The following IWS1 variants were observed in gnomAD, a reference collection of about 807,000 sequenced individuals.
IWS1 encodes the protein interacts with SUPT6H, CTD assembly factor 1, also known as protein IWS1 homolog.
In IWS1, 27 loss-of-function variants were observed where a neutral mutation model predicts 86.7. That is an observed-to-expected ratio of 0.31 (90% CI 0.23 to 0.43). The LOEUF (loss-of-function observed/expected upper bound fraction) is 0.43, where lower values mean the gene tolerates loss of function less well. Among genes scored for constraint, IWS1 ranks in the 20% least tolerant of loss-of-function variants. The pLI, the probability that IWS1 is intolerant of heterozygous loss-of-function variation, is 1.00. For synonymous variants in IWS1, 313 were observed against 335.1 expected (o/e 0.93, Z 0.72); for missense variants, 827 against 1,000.8 (o/e 0.83, Z 2.34).
chr2:127,484,972 G>A (rs978232291), intron 13 of IWS1, among the ~76,000 whole-genome samples: 5 of 151,328 alleles, frequency 3.3e-5, no homozygotes, highest in East Asian at 1.9e-4. Flanking sequence ...ACTCCAACCT[G>A]GGCGACAGAG....
chr2:127,489,549 C>T lies in IWS1; in HGVS notation c.2159+283G>A, dbSNP rs1357693306. The T allele has an allele frequency of 8.0e-6, 4 of 501,662 alleles. No individual in the cohort carries two copies. The highest frequency in any genetic ancestry group is 5.9e-5 in the African/African-American group (3 of 50,958). The allele number at this position is 501,662 out of a possible 1,614,324, so 31.1% of individuals were successfully genotyped here. A position where few individuals can be genotyped will look rare whatever the true frequency, so the allele number is the denominator to read the frequency against. On this transcript the variant is annotated intron_variant, in intron 11 of 13. Coordinates refer to ENST00000295321, the MANE Select transcript of IWS1 (RefSeq NM_017969.3). This position sits in a 1 kb window ranked among gnomAD's most constrained non-coding sequence, Gnocchi z 4.8. ...TCTTCTAGGAACTCGGAAACGGGAC[C>T]CAGAAAGTTGTTTTCTCAAGTGGAT...
Position 127,499,749 on chromosome 2 carries a change from G to GA in IWS1, c.1468-1513_1468-1512insT, listed in dbSNP as rs112544803. 0.044 allele frequency among the ~76,000 whole-genome samples: 6,523 copies of GA among 147,174 alleles called. 482 individuals carry two copies. The highest frequency in any genetic ancestry group is 0.15 in the African/African-American group (6,152 of 40,444). ...ATTGCATTGGTTAAAAATAAGTATTGTTTTTTTTTTGACCCAAGAACTATT... is the reference window on the plus strand; with the variant it reads ...ATTGCATTGGTTAAAAATAAGTATTGATTTTTTTTTTGACCCAAGAACTATT... On this transcript the variant is annotated intron_variant, in intron 5 of 13. Coordinates refer to ENST00000295321, the MANE Select transcript of IWS1 (RefSeq NM_017969.3). This position sits in a 1 kb window ranked among gnomAD's most constrained non-coding sequence, Gnocchi z 4.0.
At chr2:127,495,774 C>T (rs1043528300) in intron 7 of IWS1, among the ~76,000 whole-genome samples, 2 of 152,214 alleles carry the variant, frequency 1.3e-5, no homozygotes, top group African/African-American at 4.8e-5. Flanking sequence ...CAAAGCCATT[C>T]ACCTAAAACG....
At position 127,503,396 on chromosome 2, in the gene IWS1, T is replaced by C; in HGVS notation, c.1400A>G (p.Asn467Ser). Residue 467 changes from asparagine to serine, a missense_variant, in exon 4 of 14, where the codon AAT (asparagine) becomes AGT (serine). By Grantham distance (46) the Asn-to-Ser change is conservative. This residue lies in a region of IWS1 where 279 missense variants were observed against 440.6 expected (regional missense o/e 0.63). Transcript: ENST00000295321. Reference sequence around the variant, plus strand: ...TTATACTGTCACTTACTCTTCTTCATTGCCTGACTCACTGTCACTCCCAAA... The same window carrying C: ...TTATACTGTCACTTACTCTTCTTCACTGCCTGACTCACTGTCACTCCCAAA... The part of the protein sequence containing the change: ...DLFGSDSESG[N>S]EEENLIADIF... The C allele has an allele frequency of 3.1e-6, 5 of 1,611,384 alleles. No individual in the cohort carries two copies. Among genetic ancestry groups the C allele is most frequent in the Non-Finnish European group, 4.2e-6 (5 of 1,178,742 alleles).
At position 127,502,912 on chromosome 2, in the gene IWS1, T is replaced by C. The variant is rs903401658; in HGVS notation, c.1410-40A>G. 4 of 1,169,010 alleles carry C rather than the reference T, an allele frequency of 3.4e-6. No individual in the cohort carries two copies. The African/African-American group carries it at 6.1e-5, about 18-fold the overall frequency. The allele number at this position is 1,169,010 out of a possible 1,614,324, so 72.4% of individuals were successfully genotyped here. A position where few individuals can be genotyped will look rare whatever the true frequency, so the allele number is the denominator to read the frequency against. ...AATGTAAAAACATTCATTTGCTTTA[T>C]CCTCATTTGCATAGGAACCATTTTT... On this transcript the variant is annotated intron_variant, in intron 4 of 13. Coordinates refer to ENST00000295321, the MANE Select transcript of IWS1 (RefSeq NM_017969.3).
Position 127,526,231 on chromosome 2 carries a change from A to T in IWS1, c.-23T>A. The T allele has an allele frequency of 6.4e-7, 1 of 1,555,700 alleles. No individual in the cohort carries two copies. The highest frequency in any genetic ancestry group is 1.2e-5 in the South Asian group (1 of 84,406). Reference sequence around the variant, plus strand: ...CATGGCAGGCGGACTCTCAGCGGGGAGTGTCCGCGCCCCGCGCCGCCCCCG... The same window carrying T: ...CATGGCAGGCGGACTCTCAGCGGGGTGTGTCCGCGCCCCGCGCCGCCCCCG... On this transcript the variant is annotated 5_prime_UTR_variant, in exon 1 of 14. Coordinates refer to ENST00000295321, the MANE Select transcript of IWS1 (RefSeq NM_017969.3).
intron 2 of IWS1, among the ~76,000 whole-genome samples, chr2:127,516,768 A>G (rs1691798524): frequency 6.6e-6 from 1 of 152,166 alleles, no homozygotes; most frequent in African/African-American, 2.4e-5. Flanking sequence ...ACTGCACTCC[A>G]ACCTAGGCAA....
At position 127,505,499 on chromosome 2, in the gene IWS1, T is replaced by A. The variant is rs1202797368; in HGVS notation, c.404A>T (p.Asn135Ile). The change falls in exon 3 of 14, where the codon AAT becomes ATT. Residue 135 changes from asparagine to isoleucine, a missense_variant. This residue lies in a region of IWS1 where 548 missense variants were observed against 560.2 expected (regional missense o/e 0.98). Coordinates refer to ENST00000295321, the MANE Select transcript of IWS1 (RefSeq NM_017969.3). The surrounding 1 kb of genome is among the most constrained non-coding windows in gnomAD (Gnocchi z 5.0). ...TGCATGCCCATTAAGAAGTTCCTCA[T>A]TTTCAGAGTCACTACCAGGTAATTT... ...TRKLPGSDSE[N>I]EELLNGHASD... 2 of 1,614,022 alleles carry A rather than the reference T, an allele frequency of 1.2e-6. No individual in the cohort carries two copies. Among genetic ancestry groups the A allele is most frequent in the Non-Finnish European group, 1.7e-6 (2 of 1,180,044 alleles).
chr2:127,493,959 G>A (rs1177621351), intron 8 of IWS1, among the ~76,000 whole-genome samples: 3 of 152,072 alleles, frequency 2.0e-5, no homozygotes, highest in Non-Finnish European at 1.5e-5. Context: ...AGTTTCCCCT[G>A]TTAGAATAGA....
At chr2:127,509,707 CA>C (rs34526019) in intron 2 of IWS1, among the ~76,000 whole-genome samples, 713 of 55,436 alleles carry the variant, frequency 0.013, 1 homozygote, top group African/African-American at 0.031. Context: ...CACTCCATCT[CA>C]AAAAAAAAAA....
chr2:127,502,731 A>T, intron 5 of IWS1, 84 bp downstream of exon 5: 1 of 666,712 alleles, frequency 1.5e-6, no homozygotes, highest in South Asian at 1.8e-5. Flanking sequence ...CCTACTTATT[A>T]GAATCATCTA....
At chr2:127,490,294 G>A (rs958945190) in intron 10 of IWS1, among the ~76,000 whole-genome samples, 1 of 151,666 alleles carries the variant, frequency 6.6e-6, no homozygotes, top group Non-Finnish European at 1.5e-5. Flanking sequence ...CTAAGTTTAC[G>A]CTACTGGAAA....
rs548301334 is a variant in IWS1 at position 127,505,840 on chromosome 2, T to C, written c.151-88A>G. 1 of 908,972 alleles carries C rather than the reference T, an allele frequency of 1.1e-6. No homozygotes were observed. Among genetic ancestry groups the C allele is most frequent in the African/African-American group, 1.7e-5 (1 of 59,572 alleles). The allele number at this position is 908,972 out of a possible 1,614,324, so 56.3% of individuals were successfully genotyped here. A position where few individuals can be genotyped will look rare whatever the true frequency, so the allele number is the denominator to read the frequency against. On this transcript the variant is annotated intron_variant, in intron 2 of 13. Coordinates refer to ENST00000295321, the MANE Select transcript of IWS1 (RefSeq NM_017969.3). The surrounding 1 kb of genome is among the most constrained non-coding windows in gnomAD (Gnocchi z 5.0). ...ACATTAAATTTTTTCTGTGATTTTT[T>C]TAAAATACAGGATTATGTGCACCTA... is the stretch of plus-strand genomic sequence containing the variant.
intron 6 of IWS1, among the ~76,000 whole-genome samples, chr2:127,496,357 G>A (rs577065105): frequency 1.2e-4 from 18 of 152,172 alleles, no homozygotes; most frequent in African/African-American, 4.3e-4. Context: ...GTAAGCTAAG[G>A]TTAACTTTTT....
chr2:127,522,611 A>G (rs1233324841), intron 2 of IWS1, among the ~76,000 whole-genome samples: 1 of 152,260 alleles, frequency 6.6e-6, no homozygotes, highest in Non-Finnish European at 1.5e-5. Context: ...CAGAGTCAAT[A>G]TAATCTCTAA....
Position 127,480,823 on chromosome 2 carries a change from A to G in IWS1, c.*221T>C, listed in dbSNP as rs1689587732. On this transcript the variant is annotated 3_prime_UTR_variant, in exon 14 of 14. Coordinates refer to ENST00000295321, the MANE Select transcript of IWS1 (RefSeq NM_017969.3). ...GACAGCCCCCCAAAAACCAGAATGA[A>G]ATTTTATTGTGTAAAGTTTATAGAA... 2.4e-6 allele frequency: 1 copy of G among 409,862 alleles called. No homozygotes were observed. Among genetic ancestry groups the G allele is most frequent in the Non-Finnish European group, 4.2e-6 (1 of 237,568 alleles). 25.4% of individuals were successfully genotyped at this position (409,862 alleles called of 1,614,324 possible). A position where few individuals can be genotyped will look rare whatever the true frequency, so the allele number is the denominator to read the frequency against.
chr2:127,526,606 T>C (rs1411223759), upstream of IWS1: 1 of 1,357,358 alleles, frequency 7.4e-7, no homozygotes, highest in African/African-American at 1.5e-5. Context: ...CTGGGAAAAT[T>C]GAGCTGGAAC....
intron 8 of IWS1, among the ~76,000 whole-genome samples, chr2:127,494,107 A>T (rs1026286198): frequency 6.6e-6 from 1 of 152,090 alleles, no homozygotes; most frequent in African/African-American, 2.4e-5. Flanking sequence ...AAATATAAGC[A>T]AATCAGGGCC....
At position 127,495,839 on chromosome 2, in the gene IWS1, A is replaced by G. The variant is rs116667086; in HGVS notation, c.1716+159T>C. 7.8e-3 allele frequency among the ~76,000 whole-genome samples: 1,184 copies of G among 152,336 alleles called. 20 individuals are homozygous for G. Among genetic ancestry groups the G allele is most frequent in the African/African-American group, 0.027 (1,129 of 41,572 alleles). ...ACTTTTTCTAAACGTGTGACTAAAA[A>G]ATTAAAATATTTCCATGATTAAAAT... On this transcript the variant is annotated intron_variant, in intron 7 of 13. Coordinates refer to ENST00000295321, the MANE Select transcript of IWS1 (RefSeq NM_017969.3).
Sources: gnomAD v4.1 joint callset for allele counts (sites outside exome capture counted in the v4.1 genomes callset) on GRCh38, gnomAD v4.1.1 for gene constraint, gnomAD v4.1.1 regional missense constraint, Gnocchi (gnomAD v3.1) non-coding constraint, MANE v1.5 for transcripts, NCBI Gene and HGNC (gene_info 2026-07-23, HGNC 2026-07-21) for gene names.